Variants in CACNA2D4 observed in about 807,000 individuals in gnomAD.
CACNA2D4 encodes voltage-dependent calcium channel subunit alpha-2/delta-4.
Under a neutral mutation model 163.8 loss-of-function variants are expected in CACNA2D4, and 157 were observed. That is an observed-to-expected ratio of 0.96 (90% CI 0.84 to 1.09). CACNA2D4 has a LOEUF of 1.09. CACNA2D4 is among the 50% of genes least tolerant of loss of function. The pLI, the probability that CACNA2D4 is intolerant of heterozygous loss-of-function variation, is 0.00. For synonymous variants in CACNA2D4, 598 were observed against 586.9 expected (o/e 1.02, Z -0.27); for missense variants, 1,410 against 1,479.9 (o/e 0.95, Z 0.78).
At chr12:1,845,386 T>TG (rs1276202777) in intron 24 of CACNA2D4, among the ~76,000 whole-genome samples, 4 of 18,428 alleles carry the variant, frequency 2.2e-4, no homozygotes, top group South Asian at 2.8e-3. Flanking sequence ...CAGGGATGGG[T>TG]GGGGGGGAGG....
chr12:1,863,447 G>C (rs1280079720), intron 18 of CACNA2D4, among the ~76,000 whole-genome samples: 1 of 152,190 alleles, frequency 6.6e-6, no homozygotes, highest in Non-Finnish European at 1.5e-5. Flanking sequence ...GAACCAGCTT[G>C]TCTGTTTCTA....
rs1863204878 is a variant in CACNA2D4, at chr12:1,798,551, A to G, written c.2996-1016T>C. The stretch of plus-strand genomic sequence containing the variant: ...TTTTGTCCCCAGGGCTGGGCACAGA[A>G]GCCTGCCTGACAATGGCAGGGTTGA... On this transcript the variant is annotated intron_variant, in intron 34 of 37. Coordinates refer to ENST00000382722, the MANE Select transcript of CACNA2D4 (RefSeq NM_172364.5). This position sits in a 1 kb window ranked among gnomAD's most constrained non-coding sequence, Gnocchi z 4.3. Among the ~76,000 whole-genome samples, 1 of 151,832 alleles carries G rather than the reference A, an allele frequency of 6.6e-6. No individual in the cohort carries two copies. The highest frequency in any genetic ancestry group is 1.5e-5 in the Non-Finnish European group (1 of 67,978).
chr12:1,829,351 T>C lies in CACNA2D4; in HGVS notation c.2551+11388A>G, dbSNP rs1864513611. On this transcript the variant is annotated intron_variant, in intron 26 of 37. Coordinates refer to ENST00000382722, the MANE Select transcript of CACNA2D4 (RefSeq NM_172364.5). The surrounding 1 kb of genome is among the most constrained non-coding windows in gnomAD (Gnocchi z 4.2). ...CTGATTTTCAAATGGCTTGGGGTGG[T>C]GGTATGGGGCTGGCTGATCTGGTAG... 6.6e-6 allele frequency among the ~76,000 whole-genome samples: 1 copy of C among 151,824 alleles called. No individual in the cohort carries two copies.
chr12:1,800,652 C>T lies in CACNA2D4; in HGVS notation c.2869-214G>A, dbSNP rs535119487. 5.0e-6 allele frequency: 3 copies of T among 604,408 alleles called. No individual in the cohort carries two copies. In the South Asian group the frequency reaches 5.9e-5, roughly 12 times the overall value. 37.4% of individuals were successfully genotyped at this position (604,408 alleles called of 1,614,324 possible). On this transcript the variant is annotated intron_variant, in intron 31 of 37. Coordinates refer to ENST00000382722, the MANE Select transcript of CACNA2D4 (RefSeq NM_172364.5). The stretch of plus-strand genomic sequence containing the variant: ...TGAGCTAGCTGGGAAATGCCTATTG[C>T]AGGTCAGACATCTCGGGTGGGGTTG...
chr12:1,893,326 G>A (rs1866330373), intron 6 of CACNA2D4, among the ~76,000 whole-genome samples: 1 of 152,066 alleles, frequency 6.6e-6, no homozygotes, highest in South Asian at 2.1e-4. Flanking sequence ...GATCAGCCTG[G>A]CCAAGATGGT....
intron 5 of CACNA2D4, 141 bp downstream of exon 5, chr12:1,907,734 G>C (rs1046980900): frequency 8.3e-7 from 1 of 1,205,916 alleles, no homozygotes; most frequent in Non-Finnish European, 1.2e-6. Flanking sequence ...TGGTGGGCGT[G>C]CCTGGTGGGC....
chr12:1,854,983 C>CT (rs895617509), intron 22 of CACNA2D4, among the ~76,000 whole-genome samples: 18 of 152,246 alleles, frequency 1.2e-4, no homozygotes, highest in African/African-American at 4.3e-4. Context: ...TTATCACCCC[C>CT]CAAAGGAGAT....
intron 26 of CACNA2D4, among the ~76,000 whole-genome samples, chr12:1,821,907 T>C (rs1405623654): frequency 6.6e-6 from 1 of 151,956 alleles, no homozygotes; most frequent in African/African-American, 2.4e-5. Context: ...CAGTGTCTCT[T>C]TGTGACTCAG....
Position 1,865,433 on chromosome 12 carries a change from C to A in CACNA2D4, c.1879-5227G>T, listed in dbSNP as rs542869780. 9.0e-4 allele frequency among the ~76,000 whole-genome samples: 137 copies of A among 152,380 alleles called. 4 individuals carry two copies. In the Middle Eastern group the frequency reaches 0.048, roughly 53 times the overall value. On this transcript the variant is annotated intron_variant, in intron 18 of 37. Transcript: ENST00000382722. The stretch of plus-strand genomic sequence containing the variant: ...TGTGAAATGGAAGGTCAGTGTCTGT[C>A]TTCCTCCAAAGCACAATCGCGTGCC...
intron 26 of CACNA2D4, among the ~76,000 whole-genome samples, chr12:1,838,232 G>A (rs146500398): frequency 1.2e-4 from 18 of 152,180 alleles, no homozygotes; most frequent in East Asian, 1.2e-3. Flanking sequence ...TGTGTGAGCC[G>A]GTGGTGTTAT....
At chr12:1,801,169 G>T in intron 30 of CACNA2D4, 51 bp from the exon 31 acceptor site, 1 of 1,503,446 alleles carries the variant, frequency 6.7e-7, no homozygotes, top group Non-Finnish European at 9.3e-7. Context: ...CCCACCCCCT[G>T]CCCCTGCCTC....
chr12:1,877,617 C>T (rs1031760494), intron 16 of CACNA2D4, among the ~76,000 whole-genome samples: 12 of 152,182 alleles, frequency 7.9e-5, no homozygotes, highest in Admixed American at 2.0e-4. Flanking sequence ...CTAAGTTCTC[C>T]GGAAGGTGCT....
intron 18 of CACNA2D4, among the ~76,000 whole-genome samples, chr12:1,860,916 C>T (rs565821514): frequency 3.9e-5 from 6 of 152,342 alleles, no homozygotes; most frequent in African/African-American, 1.4e-4. Context: ...CAGCCACTTT[C>T]GACCTGTGTG....
At chr12:1,797,631 A>G in intron 34 of CACNA2D4, 96 bp from the exon 35 acceptor site, 1 of 868,980 alleles carries the variant, frequency 1.2e-6, no homozygotes, top group Non-Finnish European at 1.8e-6. Context: ...ACCCCAGTGC[A>G]TTTGCAGAGG....
intron 6 of CACNA2D4, among the ~76,000 whole-genome samples, chr12:1,896,274 G>C (rs1030127455): frequency 6.6e-6 from 1 of 152,052 alleles, no homozygotes; most frequent in Non-Finnish European, 1.5e-5. Context: ...CACAGCAAAG[G>C]AAACAATCTA....
Position 1,856,112 on chromosome 12 carries a change from G to A in CACNA2D4, c.2055-3C>T, listed in dbSNP as rs892437280. ...CAATATCTGTGATGCAGTAGATCCT[G>A]AAACCCAGGAAAGTCAGTGTTATCT... On this transcript the variant is annotated splice_polypyrimidine_tract_variant and splice_region_variant and intron_variant, in intron 21 of 37. Transcript: ENST00000382722. 9 of 1,613,804 alleles carry A rather than the reference G, an allele frequency of 5.6e-6. No homozygotes were observed. The highest frequency in any genetic ancestry group is 1.3e-5 in the African/African-American group (1 of 74,940).
intron 24 of CACNA2D4, among the ~76,000 whole-genome samples, chr12:1,845,322 AG>A (rs1015939408): frequency 1.3e-5 from 1 of 78,218 alleles, no homozygotes; most frequent in African/African-American, 5.1e-5. Context: ...AGCCTCTGAG[AG>A]GGGGCGAGGG....
In CACNA2D4 at chr12:1,875,130, G is replaced by C. The variant is rs1865855803; in HGVS notation, c.1806+121C>G. ...GTGGCTTGAGCTTGGAAAGGCTCTG[G>C]GATGAACCTGTTCTGCCTGACAGGA... On this transcript the variant is annotated intron_variant, in intron 17 of 37. Coordinates refer to ENST00000382722, the MANE Select transcript of CACNA2D4 (RefSeq NM_172364.5). The surrounding 1 kb of genome is among the most constrained non-coding windows in gnomAD (Gnocchi z 4.0). 2.8e-6 allele frequency: 2 copies of C among 711,994 alleles called. No homozygotes were observed. Among genetic ancestry groups the C allele is most frequent in the Non-Finnish European group, 5.1e-6 (2 of 392,038 alleles). 44.1% of individuals were successfully genotyped at this position (711,994 alleles called of 1,614,324 possible). A position where few individuals can be genotyped will look rare whatever the true frequency, so the allele number is the denominator to read the frequency against.
chr12:1,813,207 G>C (rs1254871775), intron 26 of CACNA2D4, among the ~76,000 whole-genome samples: 3 of 152,188 alleles, frequency 2.0e-5, no homozygotes, highest in Admixed American at 6.5e-5. Flanking sequence ...CTCCAGACTA[G>C]AGCCTTGATT....
Sources: allele counts gnomAD v4.1 joint callset (sites outside exome capture counted in the v4.1 genomes callset), GRCh38; gene constraint gnomAD v4.1.1; non-coding constraint Gnocchi (gnomAD v3.1); transcripts MANE v1.5; gene names NCBI Gene and HGNC (gene_info 2026-07-23, HGNC 2026-07-21).